Variants in SRPK2 observed in about 807,000 individuals in gnomAD.
SRPK2 encodes SFRS protein kinase 2.
SRPK2 carries 21 observed loss-of-function variants against 90.8 expected under a neutral mutation model. That is an observed-to-expected ratio of 0.23 (90% CI 0.16 to 0.33). The LOEUF (loss-of-function observed/expected upper bound fraction) is 0.33, where lower values mean the gene tolerates loss of function less well. SRPK2 is among the 10% of genes least tolerant of loss of function. SRPK2 has a pLI of 1.00. For missense variants in SRPK2, 620 were observed against 869.0 expected (o/e 0.71, Z 3.60); for synonymous variants, 288 against 311.1 (o/e 0.93, Z 0.78).
At chr7:105,129,945 G>A (rs999830714) in intron 13 of SRPK2, among the ~76,000 whole-genome samples, 1 of 152,140 alleles carries the variant, frequency 6.6e-6, no homozygotes, top group Non-Finnish European at 1.5e-5. Context: ...CACTGACCAG[G>A]ACTCACCATG....
In SRPK2 at chr7:105,324,010, T is replaced by TGTGTGTGTGTGGGTGG. The variant is rs950960322; in HGVS notation, c.71+64637_71+64638insCCACCCACACACACAC. Among the ~76,000 whole-genome samples the TGTGTGTGTGTGGGTGG allele has an allele frequency of 1.6e-4, 24 of 148,972 alleles. No individual in the cohort carries two copies. The East Asian group carries it at 3.2e-3, about 20-fold the overall frequency. On this transcript the variant is annotated intron_variant, in intron 2 of 15. Transcript: ENST00000393651. The stretch of plus-strand genomic sequence containing the variant: ...GTGTGTGTGTGTGTGTGTGTGTGTG[T>TGTGTGTGTGTGGGTGG]GTGTGTGGTGGAGTCTCACATTGTC...
intron 2 of SRPK2, among the ~76,000 whole-genome samples, chr7:105,373,269 G>A (rs895758712): frequency 2.0e-5 from 3 of 151,864 alleles, no homozygotes; most frequent in African/African-American, 7.3e-5. Context: ...GATATCTGAA[G>A]GCCATCAACG....
chr7:105,146,597 G>A lies in SRPK2; in HGVS notation c.683C>T (p.Pro228Leu), dbSNP rs1250941626. 2 of 1,613,996 alleles carry A rather than the reference G, an allele frequency of 1.2e-6. No individual in the cohort carries two copies. The highest frequency in any genetic ancestry group is 2.2e-5 in the East Asian group (1 of 44,886). ...ATCCACACACATCAAGATATTTTCCGGCTTTATGTCAGTATGAATGATCTT... is the reference window on the plus strand; with the variant it reads ...ATCCACACACATCAAGATATTTTCCAGCTTTATGTCAGTATGAATGATCTT... ...KCKIIHTDIK[P>L]ENILMCVDDA... Residue 228 changes from proline to leucine, a missense_variant, in exon 8 of 16, where the codon CCG becomes CTG. Pro to Leu is a moderately conservative substitution (Grantham distance 98). Around this residue, in one of 8 missense-constraint regions of SRPK2, gnomAD observed 196 missense variants for 339.2 expected, o/e 0.58. Transcript: ENST00000393651.
At chr7:105,177,041 A>C (rs1792057730) in intron 3 of SRPK2, among the ~76,000 whole-genome samples, 1 of 152,178 alleles carries the variant, frequency 6.6e-6, no homozygotes, top group Non-Finnish European at 1.5e-5. Context: ...TATACATGTT[A>C]ATACCTTCTT....
chr7:105,259,904 T>C (rs1317366259), intron 2 of SRPK2, among the ~76,000 whole-genome samples: 1 of 152,178 alleles, frequency 6.6e-6, no homozygotes, highest in East Asian at 1.9e-4. Context: ...ATGAAAGACT[T>C]AAATGTAGGA....
At chr7:105,282,763 TG>T (rs1807515927) in intron 2 of SRPK2, among the ~76,000 whole-genome samples, 1 of 152,138 alleles carries the variant, frequency 6.6e-6, no homozygotes, top group African/African-American at 2.4e-5. Flanking sequence ...CATTCCAGCC[TG>T]GGCAACAGAG....
intron 2 of SRPK2, among the ~76,000 whole-genome samples, chr7:105,337,240 T>A (rs1319705664): frequency 6.6e-6 from 1 of 152,014 alleles, no homozygotes; most frequent in Non-Finnish European, 1.5e-5. Context: ...ACCCCCAGTG[T>A]GATATCTGAA....
At chr7:105,148,554 T>C (rs1049161725) in intron 7 of SRPK2, among the ~76,000 whole-genome samples, 1 of 152,222 alleles carries the variant, frequency 6.6e-6, no homozygotes, top group African/African-American at 2.4e-5. Flanking sequence ...TAAGCAAATA[T>C]TACATCAATG....
At chr7:105,245,835 C>A (rs1801582946) in intron 2 of SRPK2, among the ~76,000 whole-genome samples, 1 of 152,186 alleles carries the variant, frequency 6.6e-6, no homozygotes, top group South Asian at 2.1e-4. Context: ...CCTCCCACCT[C>A]AGCTGCCAGA....
intron 3 of SRPK2, among the ~76,000 whole-genome samples, chr7:105,177,819 G>A (rs1471797348): frequency 1.3e-5 from 2 of 152,048 alleles, no homozygotes; most frequent in Non-Finnish European, 2.9e-5. Context: ...TCAGGAGATC[G>A]AGACCACCCT....
intron 3 of SRPK2, among the ~76,000 whole-genome samples, chr7:105,175,036 T>C (rs1050748410): frequency 6.6e-6 from 1 of 151,788 alleles, no homozygotes; most frequent in African/African-American, 2.4e-5. Flanking sequence ...TCCCAGCTAT[T>C]TGGGATGATG....
At chr7:105,225,557 T>A (rs1336247782) in intron 2 of SRPK2, among the ~76,000 whole-genome samples, 3 of 152,350 alleles carry the variant, frequency 2.0e-5, no homozygotes, top group African/African-American at 4.8e-5. Flanking sequence ...ACATATCCTA[T>A]ATTTTTAGTC....
chr7:105,146,252 G>C (rs1584945629), intron 8 of SRPK2, among the ~76,000 whole-genome samples: 1 of 152,334 alleles, frequency 6.6e-6, no homozygotes, highest in East Asian at 1.9e-4. Context: ...TTCAAATATA[G>C]ATGAAGCAGC....
At chr7:105,327,464 T>A (rs1813724609) in intron 2 of SRPK2, among the ~76,000 whole-genome samples, 2 of 152,190 alleles carry the variant, frequency 1.3e-5, no homozygotes. Context: ...CCACTGCCAA[T>A]CTCTTGGTTT....
At chr7:105,164,491 C>T (rs952822726) in intron 6 of SRPK2, among the ~76,000 whole-genome samples, 7 of 152,124 alleles carry the variant, frequency 4.6e-5, no homozygotes, top group Admixed American at 1.3e-4. Context: ...CATTTTTCTT[C>T]AGTTAATAAT....
At chr7:105,161,171 C>T (rs965155987) in intron 6 of SRPK2, among the ~76,000 whole-genome samples, 7 of 152,258 alleles carry the variant, frequency 4.6e-5, no homozygotes, top group African/African-American at 1.4e-4. Flanking sequence ...ATGATCCACC[C>T]GCCTTGGGCT....
chr7:105,206,283 C>T (rs958638654), intron 2 of SRPK2: 5 of 259,578 alleles, frequency 1.9e-5, no homozygotes, highest in African/African-American at 1.1e-4. Flanking sequence ...TATGGCTTTA[C>T]CTCAATGGAG....
At chr7:105,153,076 G>A (rs537983978) in intron 7 of SRPK2, among the ~76,000 whole-genome samples, 2 of 152,208 alleles carry the variant, frequency 1.3e-5, no homozygotes, top group Non-Finnish European at 2.9e-5. Context: ...AGCAGCAGGA[G>A]GCAGCAGAGA....
intron 3 of SRPK2, among the ~76,000 whole-genome samples, chr7:105,192,595 T>C (rs1430699141): frequency 6.6e-6 from 1 of 152,258 alleles, no homozygotes; most frequent in Non-Finnish European, 1.5e-5. Context: ...ATGGTAGTTC[T>C]ACTTTTAGTT....
Sources: gnomAD v4.1 joint callset for allele counts (sites outside exome capture counted in the v4.1 genomes callset) on GRCh38, gnomAD v4.1.1 for gene constraint, gnomAD v4.1.1 regional missense constraint, MANE v1.5 for transcripts, NCBI Gene and HGNC (gene_info 2026-07-23, HGNC 2026-07-21) for gene names.